Variants in WDR41 observed in about 807,000 individuals in gnomAD.
WDR41 encodes WD repeat domain 41, also known as WD repeat-containing protein 41.
In WDR41, 63 loss-of-function variants were observed where a neutral mutation model predicts 69.3. That is an observed-to-expected ratio of 0.91 (90% confidence interval 0.74 to 1.12). The LOEUF (loss-of-function observed/expected upper bound fraction) is 1.12. Ranked by LOEUF, WDR41 falls within the 50% of genes most tolerant of loss-of-function variation. The pLI is 0.00. For synonymous variants in WDR41, 185 were observed against 192.1 expected (o/e 0.96, Z 0.31); for missense variants, 543 against 534.5 (o/e 1.02, Z -0.16).
At chr5:77,480,353 T>C (rs935723224) in intron 2 of WDR41, among the ~76,000 whole-genome samples, 1 of 152,124 alleles carries the variant, frequency 6.6e-6, no homozygotes, top group Admixed American at 6.5e-5. Flanking sequence ...TAAATCATGC[T>C]GCTATAAAGA....
At chr5:77,560,495 G>A (rs1020074107) in intron 1 of WDR41, among the ~76,000 whole-genome samples, 3 of 151,932 alleles carry the variant, frequency 2.0e-5, no homozygotes, top group African/African-American at 4.8e-5. Flanking sequence ...AATTAAACAC[G>A]GATTATTGCA....
intron 1 of WDR41, chr5:77,582,631 G>A (rs1743959685): frequency 6.2e-7 from 1 of 1,601,846 alleles, no homozygotes; most frequent in East Asian, 2.2e-5. Flanking sequence ...TGTACCTGCA[G>A]AACCCAAATT....
In WDR41 at chr5:77,432,128, G is replaced by A. The variant is rs896749935; in HGVS notation, c.*1007C>T. 6.6e-6 allele frequency: 1 copy of A among 152,186 alleles called. No homozygotes were observed. Among genetic ancestry groups the A allele is most frequent in the Non-Finnish European group, 1.5e-5 (1 of 68,032 alleles). 9.4% of individuals were successfully genotyped at this position (152,186 alleles called of 1,614,324 possible). ...TTTAGGGTATATTTGTAGTATATTT[G>A]TATAATGAACAAATAAATCTGTAGG... On this transcript the variant is annotated 3_prime_UTR_variant, in exon 13 of 13. Coordinates refer to ENST00000296679, the MANE Select transcript of WDR41 (RefSeq NM_018268.4).
At chr5:77,593,268 ATGT>A (rs1236225032) in intron 1 of WDR41, among the ~76,000 whole-genome samples, 1 of 152,162 alleles carries the variant, frequency 6.6e-6, no homozygotes, top group African/African-American at 2.4e-5. Flanking sequence ...CAGCAGAGGA[ATGT>A]TGTATCTGAA....
At chr5:77,588,399 T>C (rs1164273997) in intron 1 of WDR41, among the ~76,000 whole-genome samples, 1 of 152,206 alleles carries the variant, frequency 6.6e-6, no homozygotes, top group Non-Finnish European at 1.5e-5. Context: ...TTTTACAAAA[T>C]GTATTGCTTC....
chr5:77,513,816 G>A (rs775774511), intron 1 of WDR41, among the ~76,000 whole-genome samples: 5 of 152,056 alleles, frequency 3.3e-5, no homozygotes, highest in Non-Finnish European at 5.9e-5. Flanking sequence ...AAGACCCTCT[G>A]AATGGTAAAA....
chr5:77,580,771 T>C (rs1429608943), intron 1 of WDR41, among the ~76,000 whole-genome samples: 1 of 151,740 alleles, frequency 6.6e-6, no homozygotes, highest in Non-Finnish European at 1.5e-5. Flanking sequence ...CTGGCTAACA[T>C]CGTGAAACCT....
At chr5:77,574,202 G>A (rs1423804083) in intron 1 of WDR41, among the ~76,000 whole-genome samples, 1 of 152,070 alleles carries the variant, frequency 6.6e-6, no homozygotes, top group Non-Finnish European at 1.5e-5. Flanking sequence ...GGAGGCTGAG[G>A]GAGGAGAATT....
chr5:77,471,824 T>G (rs1330242629), intron 2 of WDR41, among the ~76,000 whole-genome samples: 1 of 152,126 alleles, frequency 6.6e-6, no homozygotes, highest in African/African-American at 2.4e-5. Flanking sequence ...ACCAGATGGA[T>G]TCACAGCCGA....
chr5:77,498,959 G>A (rs1863925), intron 1 of WDR41, among the ~76,000 whole-genome samples: 17,684 of 152,006 alleles, frequency 0.12, 1,279 homozygotes, highest in South Asian at 0.17. Context: ...TTCTTTAAAA[G>A]ACACTGTTAA....
chr5:77,558,094 T>TTAAAA (rs1554036365), intron 1 of WDR41, among the ~76,000 whole-genome samples: 2 of 104,308 alleles, frequency 1.9e-5, no homozygotes, highest in African/African-American at 7.2e-5. Flanking sequence ...ATGTTCTTTT[T>TTAAAA]AAAAAAAAAA....
intron 8 of WDR41, 28 bp downstream of exon 8, chr5:77,449,732 A>G (rs1799545789): frequency 6.7e-7 from 1 of 1,500,462 alleles, no homozygotes; most frequent in African/African-American, 1.4e-5. Flanking sequence ...ACAAAACTGT[A>G]CATAATAAAT....
chr5:77,478,341 C>G (rs191666179), intron 2 of WDR41, among the ~76,000 whole-genome samples: 117 of 152,264 alleles, frequency 7.7e-4, no homozygotes, highest in African/African-American at 2.6e-3. Context: ...CAGCATCATC[C>G]TGATACCAAA....
chr5:77,571,435 G>C (rs1301844154), intron 1 of WDR41, among the ~76,000 whole-genome samples: 1 of 152,080 alleles, frequency 6.6e-6, no homozygotes, highest in African/African-American at 2.4e-5. Context: ...TAAAAATGAA[G>C]ATGAGGAAGA....
chr5:77,563,412 A>G (rs1183604730), intron 1 of WDR41, among the ~76,000 whole-genome samples: 2 of 152,092 alleles, frequency 1.3e-5, no homozygotes, highest in African/African-American at 4.8e-5. Flanking sequence ...TACACATAAT[A>G]CTCAGATCTC....
chr5:77,502,767 A>G (rs1218795723), intron 1 of WDR41, among the ~76,000 whole-genome samples: 1 of 152,194 alleles, frequency 6.6e-6, no homozygotes, highest in African/African-American at 2.4e-5. Flanking sequence ...AGCCAAACTA[A>G]GCTTCATAAG....
chr5:77,543,561 G>A (rs6877617), intron 1 of WDR41, among the ~76,000 whole-genome samples: 4 of 151,966 alleles, frequency 2.6e-5, no homozygotes, highest in Non-Finnish European at 5.9e-5. Flanking sequence ...GAAATTCAGA[G>A]CTCAAAGACA....
rs187395877 is a variant in WDR41 at position 77,572,520 on chromosome 5, A to G, written c.42+47959T>C. On this transcript the variant is annotated intron_variant, in intron 1 of 5. Transcript: ENST00000509971. ...TTAAACCCAATTTGGAACTCCTACT[A>G]TCTAATAAATAGTGTTGAGTCATTA... Among the ~76,000 whole-genome samples the G allele has an allele frequency of 9.2e-5, 14 of 152,316 alleles. No individual in the cohort carries two copies. The East Asian group carries it at 2.7e-3, about 29-fold the overall frequency.
In WDR41 at chr5:77,478,040, C is replaced by T. The variant is rs574777570; in HGVS notation, c.167+11417G>A. Among the ~76,000 whole-genome samples the T allele has an allele frequency of 2.9e-3, 436 of 152,258 alleles. 5 individuals are homozygous for T. The highest frequency in any genetic ancestry group is 0.01 in the African/African-American group (425 of 41,526). On this transcript the variant is annotated intron_variant, in intron 2 of 12. Coordinates refer to ENST00000296679, the MANE Select transcript of WDR41 (RefSeq NM_018268.4). ...TACAAACTACCATCAGAGAATATTA[C>T]AGACACCTCTACGCAAATAAACTAG...
Sources: allele counts gnomAD v4.1 joint callset (sites outside exome capture counted in the v4.1 genomes callset), GRCh38; gene constraint gnomAD v4.1.1; transcripts MANE v1.5; gene names NCBI Gene and HGNC (gene_info 2026-07-23, HGNC 2026-07-21).